The following VSNL1 variants were observed in gnomAD, a reference collection of about 807,000 sequenced individuals.
VSNL1 encodes the protein visinin like 1.
In VSNL1, 6 loss-of-function variants were observed where a neutral mutation model predicts 20.4. That is an observed-to-expected ratio of 0.29 (90% confidence interval 0.16 to 0.58). The LOEUF (loss-of-function observed/expected upper bound fraction) is 0.58, where lower values mean the gene tolerates loss of function less well. Ranked by LOEUF, VSNL1 falls within the 20% of genes least tolerant of loss-of-function variation. The pLI, the probability that VSNL1 is intolerant of heterozygous loss-of-function variation, is 0.90. For missense variants in VSNL1, 100 were observed against 234.5 expected (o/e 0.43, Z 3.75); for synonymous variants, 93 against 86.4 (o/e 1.08, Z -0.42).
At chr2:17,615,760 G>T (rs1328768372) in intron 2 of VSNL1, among the ~76,000 whole-genome samples, 5 of 152,164 alleles carry the variant, frequency 3.3e-5, no homozygotes, top group African/African-American at 9.7e-5. Flanking sequence ...ATTCAAGTCT[G>T]CCAGAGATAG....
intron 1 of VSNL1, among the ~76,000 whole-genome samples, chr2:17,558,386 A>G (rs1262193195): frequency 1.3e-5 from 2 of 152,240 alleles, no homozygotes; most frequent in East Asian, 1.9e-4. Flanking sequence ...ATGTTGCCAC[A>G]TAGGTGTCAT....
At chr2:17,631,323 A>G (rs1192033533) in intron 2 of VSNL1, among the ~76,000 whole-genome samples, 1 of 152,166 alleles carries the variant, frequency 6.6e-6, no homozygotes, top group Non-Finnish European at 1.5e-5. Context: ...ATAAAAATCT[A>G]AACTTTTGCA....
intron 1 of VSNL1, among the ~76,000 whole-genome samples, chr2:17,548,835 A>G (rs1027114851): frequency 2.0e-5 from 3 of 152,176 alleles, no homozygotes; most frequent in African/African-American, 4.8e-5. Context: ...TGCTAACTGA[A>G]TCAATGCCCT....
chr2:17,554,414 C>T (rs559319031), intron 1 of VSNL1, among the ~76,000 whole-genome samples: 2 of 152,298 alleles, frequency 1.3e-5, no homozygotes, highest in South Asian at 2.1e-4. Context: ...CGATTGTTAT[C>T]ATGGTGACTG....
rs771248225 is a variant in VSNL1, at chr2:17,649,508, C to T, written c.261C>T (p.Cys87=). 41 of 1,614,082 alleles carry T rather than the reference C, an allele frequency of 2.5e-5. 1 individual carries two copies. Among genetic ancestry groups the T allele is most frequent in the East Asian group, 1.8e-4 (8 of 44,896 alleles). Residue 87 remains cysteine, a synonymous_variant, in exon 3 of 4, where the codon TGC becomes TGT. Coordinates refer to ENST00000295156, the MANE Select transcript of VSNL1 (RefSeq NM_003385.5). This position sits in a 1 kb window ranked among gnomAD's most constrained non-coding sequence, Gnocchi z 6.4. ...CCATTGACTTCCGAGAGTTCATCTG[C>T]GCTCTGTCCATCACCTCCAGGGGCA... ...DGTIDFREFI[C]ALSITSRGSF... is the part of the protein sequence containing the mutation.
At chr2:17,598,229 A>G (rs1364434458) in intron 2 of VSNL1, among the ~76,000 whole-genome samples, 1 of 152,250 alleles carries the variant, frequency 6.6e-6, no homozygotes, top group African/African-American at 2.4e-5. Context: ...GTTGTACACA[A>G]ACATATAATA....
chr2:17,624,352 CA>C (rs1665454322), intron 2 of VSNL1, among the ~76,000 whole-genome samples: 1 of 152,190 alleles, frequency 6.6e-6, no homozygotes, highest in Admixed American at 6.5e-5. Context: ...TGAAAAGGAA[CA>C]AATGTAATAG....
intron 2 of VSNL1, among the ~76,000 whole-genome samples, chr2:17,611,862 G>T (rs777615190): frequency 1.1e-4 from 16 of 152,188 alleles, no homozygotes; most frequent in Non-Finnish European, 2.4e-4. Context: ...TATTTAATGC[G>T]TACATCCTGC....
intron 1 of VSNL1, among the ~76,000 whole-genome samples, chr2:17,567,074 T>A (rs183807400): frequency 2.2e-4 from 33 of 152,296 alleles, no homozygotes; most frequent in Admixed American, 3.3e-4. Flanking sequence ...AAAGTTGTCT[T>A]AAATATTACT....
chr2:17,552,160 A>G (rs1572326771), intron 1 of VSNL1, among the ~76,000 whole-genome samples: 1 of 146,826 alleles, frequency 6.8e-6, no homozygotes, highest in Admixed American at 7.3e-5. Context: ...AGATTGCGCC[A>G]CTGCACTCCA....
intron 3 of VSNL1, among the ~76,000 whole-genome samples, chr2:17,653,003 G>T (rs985675420): frequency 1.3e-5 from 2 of 152,254 alleles, no homozygotes; most frequent in South Asian, 2.1e-4. Context: ...TTACAGTCTT[G>T]CACTGTCAGT....
At chr2:17,554,434 C>T (rs1055564565) in intron 1 of VSNL1, among the ~76,000 whole-genome samples, 1 of 152,174 alleles carries the variant, frequency 6.6e-6, no homozygotes, top group East Asian at 1.9e-4. Flanking sequence ...GAGATCACCT[C>T]ATTGTAACAG....
chr2:17,553,248 A>G (rs1663589141), intron 1 of VSNL1, among the ~76,000 whole-genome samples: 1 of 152,222 alleles, frequency 6.6e-6, no homozygotes, highest in Admixed American at 6.5e-5. Flanking sequence ...CAAAGTAGCT[A>G]ATGTCTAATG....
chr2:17,590,959 G>T (rs1664581146), intron 1 of VSNL1, among the ~76,000 whole-genome samples: 1 of 151,984 alleles, frequency 6.6e-6, no homozygotes, highest in Non-Finnish European at 1.5e-5. Flanking sequence ...TCAATCTGGG[G>T]TTAATTTATG....
chr2:17,652,472 G>A (rs1323821310), intron 3 of VSNL1, among the ~76,000 whole-genome samples: 1 of 152,232 alleles, frequency 6.6e-6, no homozygotes, highest in East Asian at 1.9e-4. Flanking sequence ...TGAACCAGCT[G>A]AGAATAGTTT....
chr2:17,643,628 C>T (rs60310932), intron 2 of VSNL1, among the ~76,000 whole-genome samples: 2,301 of 152,284 alleles, frequency 0.015, 48 homozygotes, highest in African/African-American at 0.053. Flanking sequence ...TTCTCGGCCC[C>T]GTTTAGCTTA....
At position 17,649,084 on chromosome 2, in the gene VSNL1, T is replaced by C. The variant is rs538716495; in HGVS notation, c.163-326T>C. ...GGAGAGAAACTGCTGTCTGCCTCAGTCCTGTTCCTGGGGGGAGTGAGCTGA... is the reference window on the plus strand; with the variant it reads ...GGAGAGAAACTGCTGTCTGCCTCAGCCCTGTTCCTGGGGGGAGTGAGCTGA... On this transcript the variant is annotated intron_variant, in intron 2 of 3. Transcript: ENST00000295156. The surrounding 1 kb of genome is among the most constrained non-coding windows in gnomAD (Gnocchi z 6.4). Among the ~76,000 whole-genome samples the C allele has an allele frequency of 4.6e-5, 7 of 152,260 alleles. No individual in the cohort carries two copies. In the East Asian group the frequency reaches 9.7e-4, roughly 21 times the overall value.
intron 1 of VSNL1, among the ~76,000 whole-genome samples, chr2:17,575,846 A>G (rs1236568307): frequency 6.6e-6 from 1 of 152,158 alleles, no homozygotes; most frequent in Non-Finnish European, 1.5e-5. Flanking sequence ...GATTTCACAA[A>G]TATCTTTACA....
chr2:17,583,879 G>T (rs1269398255), intron 1 of VSNL1, among the ~76,000 whole-genome samples: 1 of 152,200 alleles, frequency 6.6e-6, no homozygotes, highest in African/African-American at 2.4e-5. Context: ...GTCTAGGCCT[G>T]AATCTTGAAC....
Sources: allele counts gnomAD v4.1 joint callset (sites outside exome capture counted in the v4.1 genomes callset), GRCh38; gene constraint gnomAD v4.1.1; non-coding constraint Gnocchi (gnomAD v3.1); transcripts MANE v1.5; gene names NCBI Gene and HGNC (gene_info 2026-07-23, HGNC 2026-07-21).